The following ROBO2 variants were observed in gnomAD, a reference collection of about 807,000 sequenced individuals.
ROBO2 encodes the protein roundabout homolog 2.
Under a neutral mutation model 160.8 loss-of-function variants are expected in ROBO2, and 53 were observed. That is an observed-to-expected ratio of 0.33 (90% CI 0.26 to 0.41). The LOEUF is 0.41. Among genes scored for constraint, ROBO2 ranks in the 10% least tolerant of loss-of-function variants. The pLI is 1.00. For missense variants in ROBO2, 1,577 were observed against 1,722.4 expected, an observed-to-expected ratio of 0.92 and a Z score of 1.49; for synonymous variants, 664 against 611.7, an observed-to-expected ratio of 1.09 and a Z score of -1.26.
At chr3:76,284,350 A>G (rs560582156) in intron 2 of ROBO2, among the ~76,000 whole-genome samples, 1 of 151,820 alleles carries the variant, frequency 6.6e-6, no homozygotes, top group Non-Finnish European at 1.5e-5. Context: ...CCTGATGTTT[A>G]TGGTATTTTT....
rs1239274396 is a variant in ROBO2 at position 77,595,135 on chromosome 3, T to C, written c.2684-7T>C. 1.9e-6 allele frequency: 3 copies of C among 1,609,958 alleles called. No individual in the cohort carries two copies. The highest frequency in any genetic ancestry group is 2.5e-6 in the Non-Finnish European group (3 of 1,176,490). ...GTGCATGTCTTCCTTTTTTTCTTTT[T>C]TCATAGTTACGTTTCAAAGAGGAGA... is the stretch of plus-strand genomic sequence containing the variant. On this transcript the variant is annotated splice_region_variant and splice_polypyrimidine_tract_variant and intron_variant, in intron 17 of 25. Transcript: ENST00000461745.
At chr3:76,216,479 T>C (rs1037230169) in intron 2 of ROBO2, among the ~76,000 whole-genome samples, 6 of 151,820 alleles carry the variant, frequency 4.0e-5, no homozygotes, top group Non-Finnish European at 7.4e-5. Flanking sequence ...ACCAAGCAAA[T>C]GGAAAACAGA....
chr3:77,505,477 A>T (rs1402620372), intron 5 of ROBO2, among the ~76,000 whole-genome samples: 1 of 152,160 alleles, frequency 6.6e-6, no homozygotes, highest in Non-Finnish European at 1.5e-5. Context: ...GGTATTATTC[A>T]GTCTCATCAT....
At chr3:77,582,167 T>C (rs2093935601) in intron 16 of ROBO2, among the ~76,000 whole-genome samples, 1 of 152,212 alleles carries the variant, frequency 6.6e-6, no homozygotes, top group African/African-American at 2.4e-5. Context: ...TGTTAGGTGA[T>C]CTCTGCTCAC....
chr3:76,396,519 G>A (rs1303454974), intron 2 of ROBO2, among the ~76,000 whole-genome samples: 1 of 152,138 alleles, frequency 6.6e-6, no homozygotes, highest in African/African-American at 2.4e-5. Flanking sequence ...ATTGGGAAAA[G>A]AGGAAGTCAA....
chr3:76,366,051 C>T (rs1307862415), intron 2 of ROBO2, among the ~76,000 whole-genome samples: 1 of 151,968 alleles, frequency 6.6e-6, no homozygotes, highest in Middle Eastern at 3.2e-3. Context: ...TGCTGTGAGG[C>T]CTCCCCATTT....
chr3:76,916,271 C>G (rs538346079), intron 2 of ROBO2, among the ~76,000 whole-genome samples: 1 of 150,502 alleles, frequency 6.6e-6, no homozygotes, highest in East Asian at 1.9e-4. Flanking sequence ...CCATCATTAA[C>G]TTTGGTTAAG....
At chr3:77,264,814 T>TGAATAGA (rs2059022078) in intron 2 of ROBO2, among the ~76,000 whole-genome samples, 1 of 152,174 alleles carries the variant, frequency 6.6e-6, no homozygotes, top group East Asian at 1.9e-4. Flanking sequence ...CTGACAAGTC[T>TGAATAGA]GAATAGAGAG....
At chr3:77,253,501 A>T (rs575964324) in intron 2 of ROBO2, among the ~76,000 whole-genome samples, 1 of 152,322 alleles carries the variant, frequency 6.6e-6, no homozygotes, top group East Asian at 1.9e-4. Flanking sequence ...TAAAAAAATT[A>T]AATCTGGTAT....
intron 22 of ROBO2, among the ~76,000 whole-genome samples, chr3:77,620,074 G>A (rs1439448210): frequency 6.6e-6 from 1 of 152,140 alleles, no homozygotes; most frequent in African/African-American, 2.4e-5. Context: ...ATCTCCACCT[G>A]CTGCAAATAC....
intron 2 of ROBO2, among the ~76,000 whole-genome samples, chr3:76,945,998 G>A (rs778865167): frequency 2.6e-5 from 4 of 152,052 alleles, no homozygotes; most frequent in Non-Finnish European, 5.9e-5. Context: ...TTATTGAATG[G>A]CAAATTTTAC....
intron 2 of ROBO2, among the ~76,000 whole-genome samples, chr3:76,333,853 G>T (rs1044991777): frequency 1.3e-5 from 2 of 152,142 alleles, no homozygotes; most frequent in African/African-American, 2.4e-5. Context: ...GGACATGGAT[G>T]AAGCTGGAAA....
chr3:77,100,693 A>G (rs2071792280), intron 2 of ROBO2, among the ~76,000 whole-genome samples: 1 of 152,288 alleles, frequency 6.6e-6, no homozygotes, highest in Admixed American at 6.5e-5. Flanking sequence ...ATTCTCAAAG[A>G]GCTCACATTC....
intron 2 of ROBO2, among the ~76,000 whole-genome samples, chr3:76,147,695 A>G (rs896197262): frequency 1.3e-5 from 2 of 152,006 alleles, no homozygotes; most frequent in African/African-American, 2.4e-5. Flanking sequence ...AGCAGCCAAG[A>G]CAGGAAATGG....
intron 2 of ROBO2, among the ~76,000 whole-genome samples, chr3:76,176,513 T>G (rs2073237292): frequency 6.6e-6 from 1 of 152,040 alleles, no homozygotes; most frequent in Non-Finnish European, 1.5e-5. Flanking sequence ...ATGGTACACT[T>G]TTATATTGAT....
At chr3:77,390,255 TA>T (rs1356675879) in intron 2 of ROBO2, among the ~76,000 whole-genome samples, 1 of 152,158 alleles carries the variant, frequency 6.6e-6, no homozygotes, top group Non-Finnish European at 1.5e-5. Context: ...CTGGAAAATC[TA>T]AAGTTGTTAT....
chr3:77,440,561 A>G (rs946895593), intron 2 of ROBO2, among the ~76,000 whole-genome samples: 1 of 152,192 alleles, frequency 6.6e-6, no homozygotes, highest in Non-Finnish European at 1.5e-5. Context: ...GACATGATAG[A>G]TGGAATTATT....
intron 2 of ROBO2, among the ~76,000 whole-genome samples, chr3:77,218,461 C>T (rs558546844): frequency 9.9e-5 from 15 of 151,716 alleles, no homozygotes; most frequent in Admixed American, 6.6e-4. Context: ...GCAAACTCCA[C>T]CTCCTGGGTT....
chr3:77,426,919 G>A (rs2078268915), intron 2 of ROBO2, among the ~76,000 whole-genome samples: 1 of 152,168 alleles, frequency 6.6e-6, no homozygotes. Context: ...TATAGGGTAA[G>A]AATTTGCATT....
Sources: allele counts gnomAD v4.1 joint callset (sites outside exome capture counted in the v4.1 genomes callset), GRCh38; gene constraint gnomAD v4.1.1; transcripts MANE v1.5; gene names NCBI Gene and HGNC (gene_info 2026-07-23, HGNC 2026-07-21).